Variants in MYO10 observed in about 807,000 individuals in gnomAD.
MYO10 encodes unconventional myosin-X.
Under a neutral mutation model 257.3 loss-of-function variants are expected in MYO10, and 133 were observed. The observed-to-expected ratio is 0.52, with a 90% CI of 0.45 to 0.60. The LOEUF (loss-of-function observed/expected upper bound fraction) is 0.60. Ranked by LOEUF, MYO10 falls within the 20% of genes least tolerant of loss-of-function variation. The pLI, the probability that MYO10 is intolerant of heterozygous loss-of-function variation, is 0.00. For missense variants in MYO10, 2,399 were observed against 2,635.7 expected (o/e 0.91, Z 1.97); for synonymous variants, 1,104 against 1,028.6 (o/e 1.07, Z -1.40).
At chr5:16,870,823 C>T (rs1744437025) in intron 2 of MYO10, among the ~76,000 whole-genome samples, 1 of 152,014 alleles carries the variant, frequency 6.6e-6, no homozygotes, top group Non-Finnish European at 1.5e-5. Flanking sequence ...ACCCAGGAGG[C>T]GGAGGCTGCA....
At chr5:16,824,008 G>C (rs1351058413) in intron 2 of MYO10, among the ~76,000 whole-genome samples, 1 of 152,116 alleles carries the variant, frequency 6.6e-6, no homozygotes, top group Non-Finnish European at 1.5e-5. Flanking sequence ...TGTTCTAGAA[G>C]TACAAACCGC....
chr5:16,788,578 G>A (rs1741661774), intron 4 of MYO10, among the ~76,000 whole-genome samples: 1 of 152,098 alleles, frequency 6.6e-6, no homozygotes, highest in Non-Finnish European at 1.5e-5. Context: ...CCACCCCTGA[G>A]ACATCTCAGT....
At chr5:16,750,478 G>A (rs780207922) in intron 19 of MYO10, among the ~76,000 whole-genome samples, 3 of 152,032 alleles carry the variant, frequency 2.0e-5, no homozygotes, top group Non-Finnish European at 4.4e-5. Context: ...CCAGATGCGC[G>A]TTCTGGGGTT....
chr5:16,823,446 C>CGGGGGGGGGG lies in MYO10; in HGVS notation c.121-5280_121-5279insCCCCCCCCCC, dbSNP rs1171973848. ...GATGACAGGGCAAGACTCCATCTTG[C>CGGGGGGGGGG]GCGGGGGGGGGGGGAGTGGGGATTT... On this transcript the variant is annotated intron_variant, in intron 2 of 40. Coordinates refer to ENST00000513610, the MANE Select transcript of MYO10 (RefSeq NM_012334.3). Among the ~76,000 whole-genome samples, 20 of 4,190 alleles carry CGGGGGGGGGG rather than the reference C, an allele frequency of 4.8e-3. 9 individuals are homozygous for CGGGGGGGGGG. The highest frequency in any genetic ancestry group is 0.024 in the East Asian group (2 of 82). 2.7% of individuals were successfully genotyped at this position (4,190 alleles called of 152,430 possible). A position where few individuals can be genotyped will look rare whatever the true frequency, so the allele number is the denominator to read the frequency against.
At position 16,821,745 on chromosome 5, in the gene MYO10, C is replaced by A. The variant is rs187272524; in HGVS notation, c.121-3578G>T. 2.6e-4 allele frequency among the ~76,000 whole-genome samples: 40 copies of A among 152,034 alleles called. No homozygotes were observed. In the Middle Eastern group the frequency reaches 0.017, roughly 65 times the overall value. On this transcript the variant is annotated intron_variant, in intron 2 of 40. Transcript: ENST00000513610. ...CCTCCCAAAGTGCTGGGATTACAGGCGTGAGCCACCGCGCCCGGCCCCTTT... is the reference window on the plus strand; with the variant it reads ...CCTCCCAAAGTGCTGGGATTACAGGAGTGAGCCACCGCGCCCGGCCCCTTT...
intron 19 of MYO10, among the ~76,000 whole-genome samples, chr5:16,727,184 C>CA (rs1028389612): frequency 2.0e-4 from 30 of 151,600 alleles, no homozygotes; most frequent in South Asian, 8.4e-4. Context: ...ACTGCTTTCA[C>CA]AAAAAAAACA....
At chr5:16,786,669 G>T (rs1310726966) in intron 4 of MYO10, among the ~76,000 whole-genome samples, 1 of 151,882 alleles carries the variant, frequency 6.6e-6, no homozygotes, top group Non-Finnish European at 1.5e-5. Context: ...CAAAAACATT[G>T]GAAAAAACCT....
intron 4 of MYO10, among the ~76,000 whole-genome samples, chr5:16,792,132 C>CACACAGAG (rs755315207): frequency 9.3e-5 from 7 of 75,384 alleles, no homozygotes; most frequent in East Asian, 3.3e-4. Flanking sequence ...CACACACACA[C>CACACAGAG]AGAGAGAGAG....
chr5:16,750,687 A>G (rs145025575), intron 19 of MYO10, among the ~76,000 whole-genome samples: 79 of 152,214 alleles, frequency 5.2e-4, no homozygotes, highest in Middle Eastern at 3.4e-3. Flanking sequence ...CTTTAAGATC[A>G]TATAACACAC....
intron 1 of MYO10, among the ~76,000 whole-genome samples, chr5:16,928,959 T>C (rs1236731414): frequency 6.6e-6 from 1 of 151,546 alleles, no homozygotes; most frequent in Non-Finnish European, 1.5e-5. Flanking sequence ...GTTTTTTTTT[T>C]GGTTTTTTTT....
rs1736462996 is a variant in MYO10, at chr5:16,671,546, CAG to C, written c.5310-6_5310-5del. ...AACCTCGGATGTGGCAGCCAGCCTA[CAG>C]AGAGGAGTCAAGAGAGGCTCAGAAT... On this transcript the variant is annotated splice_region_variant and splice_polypyrimidine_tract_variant and intron_variant, in intron 37 of 40. Transcript: ENST00000513610. 8.7e-6 allele frequency: 14 copies of C among 1,613,862 alleles called. No individual in the cohort carries two copies. Among genetic ancestry groups the C allele is most frequent in the Non-Finnish European group, 1.1e-5 (13 of 1,179,826 alleles).
intron 3 of MYO10, among the ~76,000 whole-genome samples, chr5:16,800,186 G>A (rs1420922307): frequency 1.3e-5 from 2 of 152,068 alleles, no homozygotes; most frequent in Non-Finnish European, 2.9e-5. Flanking sequence ...ACAATAAAAT[G>A]CATGCTTCAT....
intron 23 of MYO10, 29 bp downstream of exon 23, chr5:16,702,896 G>T (rs1470719142): frequency 6.5e-7 from 1 of 1,533,242 alleles, no homozygotes; most frequent in African/African-American, 1.4e-5. Flanking sequence ...GTATCCATTT[G>T]TTTCATCCCA....
chr5:16,710,765 G>C, intron 21 of MYO10, 143 bp downstream of exon 21: 1 of 691,052 alleles, frequency 1.4e-6, no homozygotes. Flanking sequence ...GAGACAAAAG[G>C]TTATGGTAGG....
rs531605734 is a variant in MYO10, at chr5:16,811,706, C to T, written c.279+6303G>A. Among the ~76,000 whole-genome samples, 36 of 152,302 alleles carry T rather than the reference C, an allele frequency of 2.4e-4. No individual in the cohort carries two copies. The South Asian group carries it at 6.2e-3, about 26-fold the overall frequency. ...AAGGGACTACAGGGGCACGCCACCA[C>T]GGCTGGCTAATTTTTGCAATCTTTT... On this transcript the variant is annotated intron_variant, in intron 3 of 40. Transcript: ENST00000513610.
intron 19 of MYO10, among the ~76,000 whole-genome samples, chr5:16,730,967 A>G (rs1245251563): frequency 1.3e-5 from 2 of 151,410 alleles, no homozygotes; most frequent in African/African-American, 2.4e-5. Flanking sequence ...GTGGGAAGGT[A>G]TGGGGGGAGT....
chr5:16,731,096 A>G (rs1202461023), intron 19 of MYO10, among the ~76,000 whole-genome samples: 2 of 145,676 alleles, frequency 1.4e-5, no homozygotes, highest in Non-Finnish European at 3.0e-5. Flanking sequence ...CCCAGGCTGG[A>G]GTGCAGTGGC....
chr5:16,676,232 A>G (rs1274583641), intron 33 of MYO10, 78 bp from the exon 34 acceptor site: 7 of 1,546,438 alleles, frequency 4.5e-6, no homozygotes, highest in Admixed American at 4.0e-5. Context: ...ACTCTCAAAT[A>G]TCCATAAACC....
intron 19 of MYO10, among the ~76,000 whole-genome samples, chr5:16,735,170 G>A (rs538258167): frequency 5.9e-5 from 9 of 152,224 alleles, no homozygotes; most frequent in African/African-American, 1.4e-4. Context: ...CATCTTGTTC[G>A]CCATAAATTG....
Sources: allele counts gnomAD v4.1 joint callset (sites outside exome capture counted in the v4.1 genomes callset), GRCh38; gene constraint gnomAD v4.1.1; transcripts MANE v1.5; gene names NCBI Gene and HGNC (gene_info 2026-07-23, HGNC 2026-07-21).